Variants in ARHGEF2 observed in about 807,000 individuals in gnomAD.
ARHGEF2 encodes the protein Rho/Rac guanine nucleotide exchange factor 2.
Under a neutral mutation model 121.0 loss-of-function variants are expected in ARHGEF2, and 22 were observed. The ratio of observed to expected loss-of-function variants is 0.18; its 90% confidence interval spans 0.13 to 0.26. The LOEUF is 0.26. Ranked by LOEUF, ARHGEF2 falls within the 10% of genes least tolerant of loss-of-function variation. The pLI is 1.00. For synonymous variants in ARHGEF2, 487 were observed against 530.0 expected, an observed-to-expected ratio of 0.92 and a Z score of 1.11; for missense variants, 907 against 1,336.0, an observed-to-expected ratio of 0.68 and a Z score of 5.01.
Position 155,951,277 on chromosome 1 carries a change from G to C in ARHGEF2, c.2260-5C>G, listed in dbSNP as rs1478559296. 6.3e-7 allele frequency: 1 copy of C among 1,597,022 alleles called. No individual in the cohort carries two copies. The highest frequency in any genetic ancestry group is 8.6e-7 in the Non-Finnish European group (1 of 1,169,508). On this transcript the variant is annotated splice_region_variant and splice_polypyrimidine_tract_variant and intron_variant, in intron 19 of 21. Transcript: ENST00000361247. This position sits in a 1 kb window ranked among gnomAD's most constrained non-coding sequence, Gnocchi z 5.1. ...GTCCTGCTGGGCCACAGCTGCCTGG[G>C]AGTAGAATGCAGGCAGAAGGGTTTA...
chr1:155,966,274 T>C (rs1679353802), intron 4 of ARHGEF2, 142 bp downstream of exon 4: 1 of 790,478 alleles, frequency 1.3e-6, no homozygotes, highest in Admixed American at 2.2e-5. Context: ...GAACCCTCCC[T>C]TAGGCCCCCA....
intron 1 of ARHGEF2, chr1:155,970,761 G>A (rs1572182813): frequency 1.2e-5 from 12 of 985,688 alleles, no homozygotes; most frequent in Non-Finnish European, 1.4e-5. Context: ...AGTGTGGAGG[G>A]GCTGAGTCAA....
intron 21 of ARHGEF2, among the ~76,000 whole-genome samples, chr1:155,948,914 T>C (rs958911523): frequency 6.6e-6 from 1 of 152,100 alleles, no homozygotes; most frequent in African/African-American, 2.4e-5. Flanking sequence ...TCTCCGTAGC[T>C]AGGACTACAG....
intron 11 of ARHGEF2, among the ~76,000 whole-genome samples, chr1:155,960,791 C>G (rs1384921043): frequency 4.6e-5 from 7 of 152,210 alleles, no homozygotes; most frequent in African/African-American, 9.7e-5. Context: ...TCCCTCACAT[C>G]TCATCCCCAA....
upstream of ARHGEF2, chr1:155,978,802 TA>T: frequency 1.0e-6 from 1 of 953,058 alleles, no homozygotes; most frequent in Non-Finnish European, 1.3e-6. The surrounding 1 kb of genome is among the most constrained non-coding windows in gnomAD (Gnocchi z 4.1). Flanking sequence ...CTTCTTTTCC[TA>T]AAACCCAGCC....
intron 1 of ARHGEF2, among the ~76,000 whole-genome samples, chr1:155,977,230 C>CG (rs981407451): frequency 6.6e-6 from 1 of 152,076 alleles, no homozygotes; most frequent in African/African-American, 2.4e-5. Flanking sequence ...GGGTACAGTG[C>CG]GGGGGCCCCA....
Position 155,965,534 on chromosome 1 carries a change from C to T in ARHGEF2, c.470+97G>A. 1 of 1,605,474 alleles carries T rather than the reference C, an allele frequency of 6.2e-7. No homozygotes were observed. Among genetic ancestry groups the T allele is most frequent in the South Asian group, 1.1e-5 (1 of 90,390 alleles). On this transcript the variant is annotated intron_variant, in intron 5 of 21. Coordinates refer to ENST00000361247, the MANE Select transcript of ARHGEF2 (RefSeq NM_001162383.2). The surrounding 1 kb of genome is among the most constrained non-coding windows in gnomAD (Gnocchi z 6.0). ...TAAGTTCTCCTTATTTGTCTGTCTACAGTTCTGAACTCAGGGATGGAAAGG... is the reference window on the plus strand; with the variant it reads ...TAAGTTCTCCTTATTTGTCTGTCTATAGTTCTGAACTCAGGGATGGAAAGG...
In ARHGEF2 at chr1:155,951,451, C is replaced by T. The variant is rs745661994; in HGVS notation, c.2259+32G>A. On this transcript the variant is annotated intron_variant, in intron 19 of 21. Coordinates refer to ENST00000361247, the MANE Select transcript of ARHGEF2 (RefSeq NM_001162383.2). This position sits in a 1 kb window ranked among gnomAD's most constrained non-coding sequence, Gnocchi z 5.1. ...ACAGGCATCTCTAGCCTGGCTCCTC[C>T]CCTTCCCCATTCAAGCCCTTGTCCT... The T allele has an allele frequency of 6.2e-7, 1 of 1,613,794 alleles. No homozygotes were observed. The highest frequency in any genetic ancestry group is 2.2e-5 in the East Asian group (1 of 44,860).
Position 155,947,182 on chromosome 1 carries a change from G to T in ARHGEF2, c.*760C>A. Reference sequence around the variant, plus strand: ...TTCTTCAGAGATGTGGAGATAGGAGGCTTCGATCTCTAATTGCCTACGATC... The same window carrying T: ...TTCTTCAGAGATGTGGAGATAGGAGTCTTCGATCTCTAATTGCCTACGATC... On this transcript the variant is annotated 3_prime_UTR_variant, in exon 22 of 22. Transcript: ENST00000361247. 2.7e-6 allele frequency: 1 copy of T among 365,194 alleles called. No homozygotes were observed. 22.6% of individuals were successfully genotyped at this position (365,194 alleles called of 1,614,324 possible).
Position 155,950,344 on chromosome 1 carries a change from C to T in ARHGEF2, c.2842G>A (p.Glu948Lys), listed in dbSNP as rs1371066160. Residue 948 changes from glutamate (E) to lysine (K), a missense_variant, in exon 21 of 22, where the codon GAG becomes AAG. Physicochemically the swap from Glu to Lys is moderately conservative, Grantham distance 56 (BLOSUM62 1). Transcript: ENST00000361247. This position sits in a 1 kb window ranked among gnomAD's most constrained non-coding sequence, Gnocchi z 5.2. ...QDSSDPDTGS[E>K]EEGSSRLSPP... The stretch of plus-strand genomic sequence containing the variant: ...GACAGACGGCTGCTACCTTCCTCCT[C>T]GCTGCCAGTGTCAGGGTCACTGCTG... 3 of 1,613,792 alleles carry T rather than the reference C, an allele frequency of 1.9e-6. No individual in the cohort carries two copies. Among genetic ancestry groups the T allele is most frequent in the Admixed American group, 1.7e-5 (1 of 60,010 alleles).
Position 155,951,335 on chromosome 1 carries a change from T to C in ARHGEF2, c.2260-63A>G, listed in dbSNP as rs924141510. 1.6e-5 allele frequency: 25 copies of C among 1,565,136 alleles called. No homozygotes were observed. The highest frequency in any genetic ancestry group is 2.0e-5 in the Non-Finnish European group (23 of 1,150,106). ...CCCTGTGCTCTTCTACCCCTCGCCT[T>C]CACCCTCCAAGGCCCAGATCATCGC... On this transcript the variant is annotated intron_variant, in intron 19 of 21. Coordinates refer to ENST00000361247, the MANE Select transcript of ARHGEF2 (RefSeq NM_001162383.2). This position sits in a 1 kb window ranked among gnomAD's most constrained non-coding sequence, Gnocchi z 5.1.
chr1:155,952,498 G>A, intron 15 of ARHGEF2, 130 bp downstream of exon 15: 1 of 1,116,268 alleles, frequency 9.0e-7, no homozygotes, highest in Non-Finnish European at 1.3e-6. Context: ...CCCAGAAGAG[G>A]CACTCAGGGC....
Position 155,951,663 on chromosome 1 carries a change from C to T in ARHGEF2, c.2208+78G>A, listed in dbSNP as rs1027147717. The T allele has an allele frequency of 4.4e-6, 7 of 1,608,980 alleles. No homozygotes were observed. In the African/African-American group the frequency reaches 9.4e-5, roughly 22 times the overall value. On this transcript the variant is annotated intron_variant, in intron 18 of 21. Transcript: ENST00000361247. The surrounding 1 kb of genome is among the most constrained non-coding windows in gnomAD (Gnocchi z 5.1). The stretch of plus-strand genomic sequence containing the variant: ...TTGAATGTAGACGCTTTCCCCACCC[C>T]ACTCCAAACTGGGCTCTAACTACTC...
intron 1 of ARHGEF2, among the ~76,000 whole-genome samples, chr1:155,973,670 C>A (rs1448518136): frequency 6.6e-6 from 1 of 151,408 alleles, no homozygotes; most frequent in Non-Finnish European, 1.5e-5. Flanking sequence ...TGCTTGAACG[C>A]AGGAGGTGGA....
In ARHGEF2 at chr1:155,957,761, C is replaced by T. The variant is rs1676994078; in HGVS notation, c.1667G>A (p.Arg556Gln). The change falls in exon 13 of 22, where the codon CGG (arginine) becomes CAG (glutamine). Residue 556 changes from arginine to glutamine, a missense_variant. Arg to Gln is a conservative substitution (Grantham distance 43). Transcript: ENST00000361247. ...CCGGATCCAGGTGCTCCGGTCATCC[C>T]GGGATGCTGTGTGCACCTCGTACAT... The part of the protein sequence containing the change: ...PEMYEVHTAS[R>Q]DDRSTWIRVI... The T allele has an allele frequency of 3.1e-6, 5 of 1,614,086 alleles. No individual in the cohort carries two copies. The highest frequency in any genetic ancestry group is 1.3e-5 in the African/African-American group (1 of 75,058).
intron 13 of ARHGEF2, among the ~76,000 whole-genome samples, chr1:155,955,999 C>T (rs538341981): frequency 4.6e-5 from 7 of 151,974 alleles, no homozygotes; most frequent in East Asian, 1.9e-4. Flanking sequence ...TGAGCCACAG[C>T]GCCTGGCCAC....
intron 7 of ARHGEF2, among the ~76,000 whole-genome samples, chr1:155,963,674 T>C (rs1460091690): frequency 2.2e-5 from 1 of 45,268 alleles, no homozygotes; most frequent in Non-Finnish European, 9.3e-5. Context: ...ATTTTATTAT[T>C]ATTTTTTTTT....
chr1:155,966,305 A>T (rs1397640975), intron 4 of ARHGEF2, 111 bp downstream of exon 4: 17 of 1,050,008 alleles, frequency 1.6e-5, no homozygotes, highest in Non-Finnish European at 2.5e-5. Context: ...CCAATCAAGA[A>T]GAGGAAGGTG....
chr1:155,979,504 C>A (rs567736463), upstream of ARHGEF2, among the ~76,000 whole-genome samples: 1 of 152,332 alleles, frequency 6.6e-6, no homozygotes, highest in Non-Finnish European at 1.5e-5. Context: ...TAACTATGAT[C>A]ACTTACAGTG....
Sources: allele counts gnomAD v4.1 joint callset (sites outside exome capture counted in the v4.1 genomes callset), GRCh38; gene constraint gnomAD v4.1.1; non-coding constraint Gnocchi (gnomAD v3.1); transcripts MANE v1.5; gene names NCBI Gene and HGNC (gene_info 2026-07-23, HGNC 2026-07-21).